WIF1: variants seen among roughly 807,000 people sequenced by gnomAD.
WIF1 encodes Wnt inhibitory factor 1.
Under a neutral mutation model 53.5 loss-of-function variants are expected in WIF1, and 35 were observed. The observed-to-expected ratio is 0.65, with a 90% CI of 0.50 to 0.87. The LOEUF is 0.87. Ranked by LOEUF, WIF1 falls within the 40% of genes least tolerant of loss-of-function variation. WIF1 has a pLI of 0.00. For synonymous variants in WIF1, 171 were observed against 170.4 expected, an observed-to-expected ratio of 1.00 and a Z score of -0.03; for missense variants, 467 against 476.8, an observed-to-expected ratio of 0.98 and a Z score of 0.19.
At chr12:65,068,083 A>T (rs188534318) in intron 4 of WIF1, among the ~76,000 whole-genome samples, 98 of 152,260 alleles carry the variant, frequency 6.4e-4, no homozygotes, top group Admixed American at 3.2e-3. Flanking sequence ...ACCTTGTTAA[A>T]TTCCCACTGC....
intron 6 of WIF1, 91 bp from the exon 7 acceptor site, chr12:65,062,667 T>C (rs1254884729): frequency 2.6e-6 from 3 of 1,150,766 alleles, no homozygotes; most frequent in Non-Finnish European, 3.7e-6. Context: ...TTTTTAGGCA[T>C]CTGCTTGCTA....
rs1298927476 is a variant in WIF1 at position 65,062,567 on chromosome 12, G to A, written c.740C>T (p.Ser247Leu). The A allele has an allele frequency of 6.2e-7, 1 of 1,606,098 alleles. No homozygotes were observed. The highest frequency in any genetic ancestry group is 1.7e-5 in the Admixed American group (1 of 59,332). The change falls in exon 7 of 10, where the codon TCA (serine) becomes TTA (leucine). Residue 247 changes from serine to leucine, a missense_variant. By Grantham distance (145) the Ser-to-Leu change is moderately radical. Coordinates refer to ENST00000286574, the MANE Select transcript of WIF1 (RefSeq NM_007191.5). ...YGVNCDKANC[S>L]TTCFNGGTCF... is the part of the protein sequence containing the mutation. ...GGTCCCTCCATTAAAGCAGGTGGTT[G>A]AGCAGTTTGCTGTTAGAATGAGTAA... is the stretch of plus-strand genomic sequence containing the variant.
In WIF1 at chr12:65,121,194, T is replaced by C. The variant is rs1256760218; in HGVS notation, c.-3A>G. ...GGGAAGGCGCTCCTCCGGGCCATGCTGCTCAGGACCTCCTCGCTGCCGGGA... is the reference window on the plus strand; with the variant it reads ...GGGAAGGCGCTCCTCCGGGCCATGCCGCTCAGGACCTCCTCGCTGCCGGGA... On this transcript the variant is annotated 5_prime_UTR_variant, in exon 1 of 10. Transcript: ENST00000286574. 1.3e-6 allele frequency: 2 copies of C among 1,507,282 alleles called. No individual in the cohort carries two copies. The highest frequency in any genetic ancestry group is 1.8e-6 in the Non-Finnish European group (2 of 1,125,068). 93.4% of individuals were successfully genotyped at this position (1,507,282 alleles called of 1,614,324 possible).
chr12:65,115,814 G>C (rs1298154682), intron 2 of WIF1, among the ~76,000 whole-genome samples: 1 of 152,102 alleles, frequency 6.6e-6, no homozygotes, highest in Non-Finnish European at 1.5e-5. Context: ...AATGATTTCA[G>C]GCAAGAAAGA....
intron 2 of WIF1, among the ~76,000 whole-genome samples, chr12:65,117,235 G>T (rs1260945032): frequency 6.6e-6 from 1 of 152,044 alleles, no homozygotes. Flanking sequence ...ATGTAAAATT[G>T]TCCAGTCAAA....
At chr12:65,053,570 C>T (rs949436036) in intron 9 of WIF1, among the ~76,000 whole-genome samples, 14 of 152,238 alleles carry the variant, frequency 9.2e-5, no homozygotes, top group South Asian at 4.1e-4. Flanking sequence ...CCTTCTGCCA[C>T]GATTGTAAGT....
intron 2 of WIF1, among the ~76,000 whole-genome samples, chr12:65,111,155 C>A (rs1342940115): frequency 6.6e-6 from 1 of 152,194 alleles, no homozygotes; most frequent in Non-Finnish European, 1.5e-5. Context: ...GTTCCTGGCA[C>A]CAAGATTTCC....
chr12:65,065,568 C>G (rs531089294), intron 6 of WIF1, among the ~76,000 whole-genome samples: 1 of 152,112 alleles, frequency 6.6e-6, no homozygotes, highest in African/African-American at 2.4e-5. Context: ...CTTTAGCTTT[C>G]CTTTAAAAAA....
At chr12:65,062,844 A>T (rs1882634064) in intron 6 of WIF1, among the ~76,000 whole-genome samples, 1 of 152,158 alleles carries the variant, frequency 6.6e-6, no homozygotes, top group African/African-American at 2.4e-5. Context: ...AGTAAAAAAA[A>T]TTAGCTTTTT....
At chr12:65,117,544 G>GGT (rs1883531854) in intron 2 of WIF1, among the ~76,000 whole-genome samples, 1 of 152,140 alleles carries the variant, frequency 6.6e-6, no homozygotes, top group African/African-American at 2.4e-5. Flanking sequence ...TGGACCGGGC[G>GGT]GTGGAGGAAT....
At position 65,068,711 on chromosome 12, in the gene WIF1, T is replaced by G. The variant is rs995401518; in HGVS notation, c.538+53A>C. ...TATAGATATAAATATTTGGTCCAAA[T>G]CACACCTAAGCCCTTACAACATGTC... is the stretch of plus-strand genomic sequence containing the variant. On this transcript the variant is annotated intron_variant, in intron 4 of 9. Coordinates refer to ENST00000286574, the MANE Select transcript of WIF1 (RefSeq NM_007191.5). The G allele has an allele frequency of 3.2e-6, 5 of 1,575,866 alleles. No homozygotes were observed. In the South Asian group the frequency reaches 5.8e-5, roughly 18 times the overall value.
chr12:65,120,545 C>T lies in WIF1; in HGVS notation c.160G>A (p.Asp54Asn). 6.2e-7 allele frequency: 1 copy of T among 1,609,544 alleles called. No homozygotes were observed. Among genetic ancestry groups the T allele is most frequent in the South Asian group, 1.1e-5 (1 of 89,794 alleles). The stretch of plus-strand genomic sequence containing the variant: ...TTCCCCTCTGAAACAATCAGGATAT[C>T]TTCTTCAAATCCTGGTTTTTAAAAT... ...QARVLIGFEE[D>N]ILIVSEGKMA... Residue 54 changes from aspartate (D) to asparagine (N), a missense_variant, in exon 2 of 10, where the codon GAT (aspartate) becomes AAT (asparagine). Asp to Asn is a conservative substitution (Grantham distance 23). Transcript: ENST00000286574.
At chr12:65,103,650 C>G (rs999118089) in intron 2 of WIF1, among the ~76,000 whole-genome samples, 2 of 152,174 alleles carry the variant, frequency 1.3e-5, no homozygotes, top group Admixed American at 6.5e-5. Flanking sequence ...ACAAATGAAA[C>G]TGCATTTTTA....
At chr12:65,093,776 G>A (rs1010425454) in intron 2 of WIF1, among the ~76,000 whole-genome samples, 3 of 152,014 alleles carry the variant, frequency 2.0e-5, no homozygotes, top group Admixed American at 1.3e-4. Context: ...AGGTGGATTC[G>A]GTTCCCGGAT....
At chr12:65,085,019 G>A (rs1159429352) in intron 2 of WIF1, among the ~76,000 whole-genome samples, 1 of 152,170 alleles carries the variant, frequency 6.6e-6, no homozygotes, top group Admixed American at 6.6e-5. Flanking sequence ...CTTTGGCAAT[G>A]AGGCTCCCAG....
chr12:65,095,939 A>T (rs1173755838), intron 2 of WIF1: 2 of 152,204 alleles, frequency 1.3e-5, no homozygotes, highest in East Asian at 3.9e-4. Context: ...AAGCAATACC[A>T]TTCAGGACAT....
At chr12:65,089,384 C>T (rs998646946) in intron 2 of WIF1, among the ~76,000 whole-genome samples, 1 of 152,120 alleles carries the variant, frequency 6.6e-6, no homozygotes, top group African/African-American at 2.4e-5. Flanking sequence ...GACATTTCTC[C>T]CTCATGCTCC....
intron 2 of WIF1, among the ~76,000 whole-genome samples, chr12:65,093,470 T>C (rs1883155193): frequency 6.6e-6 from 1 of 152,214 alleles, no homozygotes; most frequent in South Asian, 2.1e-4. Context: ...AGTTATACCT[T>C]AGCTTTTTAA....
At chr12:65,086,411 G>C (rs570683249) in intron 2 of WIF1, among the ~76,000 whole-genome samples, 1 of 152,262 alleles carries the variant, frequency 6.6e-6, no homozygotes, top group East Asian at 1.9e-4. Flanking sequence ...GAAGCATTAG[G>C]CAACTATGGT....
Sources: allele counts gnomAD v4.1 joint callset (sites outside exome capture counted in the v4.1 genomes callset), GRCh38; gene constraint gnomAD v4.1.1; transcripts MANE v1.5; gene names NCBI Gene and HGNC (gene_info 2026-07-23, HGNC 2026-07-21).